Variants in ASB5 observed in about 807,000 individuals in gnomAD.
ASB5 encodes the protein ankyrin repeat and SOCS box containing 5, also known as ankyrin repeat and SOCS box protein 5.
ASB5 carries 45 observed loss-of-function variants against 42.1 expected under a neutral mutation model. The observed-to-expected ratio is 1.07, with a 90% CI of 0.84 to 1.37. The LOEUF (loss-of-function observed/expected upper bound fraction) is 1.37. Among genes scored for constraint, ASB5 ranks in the 40% most tolerant of loss-of-function variants. ASB5 has a pLI of 0.00. For missense variants in ASB5, 402 were observed against 399.8 expected (o/e 1.01, Z -0.05); for synonymous variants, 147 against 150.6 (o/e 0.98, Z 0.18).
chr4:176,225,812 A>T (rs1753361793), intron 1 of ASB5, among the ~76,000 whole-genome samples: 1 of 152,154 alleles, frequency 6.6e-6, no homozygotes, highest in South Asian at 2.1e-4. Flanking sequence ...CTGGTCTTGA[A>T]GTCCTGACCT....
chr4:176,218,736 T>C (rs1753068669), intron 5 of ASB5, among the ~76,000 whole-genome samples: 2 of 28,718 alleles, frequency 7.0e-5, no homozygotes, highest in South Asian at 1.3e-3. Flanking sequence ...TTGTATGATA[T>C]ATAAATATAT....
intron 1 of ASB5, among the ~76,000 whole-genome samples, chr4:176,248,363 C>T (rs1753952426): frequency 6.6e-6 from 1 of 152,028 alleles, no homozygotes; most frequent in Admixed American, 6.6e-5. Context: ...CTCAAGTGAT[C>T]CACCCACCTC....
At chr4:176,267,551 G>A (rs1754381072) in intron 1 of ASB5, among the ~76,000 whole-genome samples, 1 of 152,068 alleles carries the variant, frequency 6.6e-6, no homozygotes, top group African/African-American at 2.4e-5. Context: ...GGAGTTCAAG[G>A]ATGCAGTGAG....
chr4:176,231,659 CAAAAAAAAAA>C (rs11362445), intron 1 of ASB5, among the ~76,000 whole-genome samples: 3 of 101,904 alleles, frequency 2.9e-5, no homozygotes, highest in Non-Finnish European at 5.8e-5. Context: ...CTTGTCTCTG[CAAAAAAAAAA>C]AAAAAAAAAT....
intron 1 of ASB5, among the ~76,000 whole-genome samples, chr4:176,237,116 G>A (rs577828580): frequency 1.1e-4 from 17 of 152,188 alleles, no homozygotes; most frequent in South Asian, 2.1e-4. Context: ...TGAGTCAGCC[G>A]ATGCAGTTTC....
chr4:176,216,750 C>T, intron 6 of ASB5, 68 bp downstream of exon 6: 1 of 1,320,226 alleles, frequency 7.6e-7, no homozygotes, highest in Non-Finnish European at 1.0e-6. Flanking sequence ...AACAAAAACT[C>T]TCTCACTTTC....
At chr4:176,215,838 GAT>G in intron 6 of ASB5, 111 bp from the exon 7 acceptor site, 1 of 1,039,880 alleles carries the variant, frequency 9.6e-7, no homozygotes, top group South Asian at 2.0e-5. Flanking sequence ...GTAAACCTAG[GAT>G]AGCATGACCA....
chr4:176,267,798 T>C (rs561070189), intron 1 of ASB5, among the ~76,000 whole-genome samples: 1 of 152,242 alleles, frequency 6.6e-6, no homozygotes, highest in Non-Finnish European at 1.5e-5. Context: ...GCAGTCTTCC[T>C]CAGGAAACAT....
chr4:176,251,098 G>A (rs114162659), intron 1 of ASB5, among the ~76,000 whole-genome samples: 373 of 152,024 alleles, frequency 2.5e-3, no homozygotes, highest in Non-Finnish European at 3.3e-3. Context: ...AGGACTTCAT[G>A]TAAGAACCAT....
chr4:176,222,411 C>T lies in ASB5; in HGVS notation c.286G>A (p.Val96Ile), dbSNP rs575382169. The change falls in exon 3 of 7, where the codon GTA (valine) becomes ATA (isoleucine). Residue 96 changes from valine (V) to isoleucine (I), a missense_variant. Transcript: ENST00000296525. ...ACATGGTCTAAGGTTACTGCATTTA[C>T]ATTATAACCCTAAATGTGGCATAAT... ...LRTLLSQGYN[V>I]NAVTLDHVTP... The T allele has an allele frequency of 1.2e-6, 2 of 1,612,052 alleles. No homozygotes were observed. The highest frequency in any genetic ancestry group is 1.7e-6 in the Non-Finnish European group (2 of 1,178,730).
At position 176,242,085 on chromosome 4, in the gene ASB5, G is replaced by A. The variant is rs1315184247; in HGVS notation, c.197-16744C>T. On this transcript the variant is annotated intron_variant, in intron 1 of 6. Transcript: ENST00000296525. ...CCAGTGACGTGTGCAAACACCCACG[G>A]CACCTGGTACCCTACAGCAAAATTC... is the stretch of plus-strand genomic sequence containing the variant. Among the ~76,000 whole-genome samples, 4 of 151,994 alleles carry A rather than the reference G, an allele frequency of 2.6e-5. No individual in the cohort carries two copies. The East Asian group carries it at 5.8e-4, about 22-fold the overall frequency.
intron 1 of ASB5, among the ~76,000 whole-genome samples, chr4:176,263,202 C>T (rs1186320471): frequency 6.6e-6 from 1 of 152,148 alleles, no homozygotes; most frequent in African/African-American, 2.4e-5. Flanking sequence ...GCTGGCTCCC[C>T]TTCCCTTTAG....
Position 176,225,320 on chromosome 4 carries a change from G to C in ASB5, c.218C>G (p.Pro73Arg). Residue 73 changes from proline (P) to arginine (R), a missense_variant, in exon 2 of 7, where the codon CCA becomes CGA. Physicochemically the swap from Pro to Arg is moderately radical, Grantham distance 103 (BLOSUM62 -2). Coordinates refer to ENST00000296525, the MANE Select transcript of ASB5 (RefSeq NM_080874.4). The stretch of plus-strand genomic sequence containing the variant: ...ACCTTGACTTGCTGCTTCATGTAGT[G>C]GTGATCGATCTGCCCAGGAACCTGT... ...QGQGSWADRS[P>R]LHEAASQGRL... is the part of the protein sequence containing the mutation. 6.2e-7 allele frequency: 1 copy of C among 1,613,940 alleles called. No individual in the cohort carries two copies. The highest frequency in any genetic ancestry group is 8.5e-7 in the Non-Finnish European group (1 of 1,179,966).
At chr4:176,253,765 C>G (rs1349327477) in intron 1 of ASB5, among the ~76,000 whole-genome samples, 2 of 152,170 alleles carry the variant, frequency 1.3e-5, no homozygotes, top group Non-Finnish European at 2.9e-5. Context: ...AGAGCCCAAT[C>G]AAGAACACAA....
intron 1 of ASB5, chr4:176,249,417 A>G (rs887549285): frequency 1.3e-5 from 2 of 152,210 alleles, no homozygotes; most frequent in African/African-American, 4.8e-5. Flanking sequence ...GCAGAGGTTA[A>G]CAGAAAATGC....
At chr4:176,276,061 A>G (rs753186864) in intron 1 of ASB5, among the ~76,000 whole-genome samples, 28 of 152,204 alleles carry the variant, frequency 1.8e-4, no homozygotes, top group Non-Finnish European at 3.1e-4. Context: ...AAGTTCAAGT[A>G]TTGCCTCTAC....
chr4:176,230,537 T>C (rs1018060322), intron 1 of ASB5, among the ~76,000 whole-genome samples: 1 of 152,186 alleles, frequency 6.6e-6, no homozygotes, highest in South Asian at 2.1e-4. Context: ...GTTATTTATT[T>C]TCTTGTAATC....
intron 1 of ASB5, among the ~76,000 whole-genome samples, chr4:176,256,909 GA>G (rs1754168034): frequency 6.6e-6 from 1 of 151,714 alleles, no homozygotes; most frequent in Non-Finnish European, 1.5e-5. Flanking sequence ...TGCACTCCAA[GA>G]AAAAAAGAAA....
intron 1 of ASB5, among the ~76,000 whole-genome samples, chr4:176,249,231 T>C (rs1421321280): frequency 1.3e-5 from 2 of 152,172 alleles, no homozygotes; most frequent in Non-Finnish European, 1.5e-5. Flanking sequence ...CCTCCCAAAG[T>C]GTTGGGATTA....
Sources: gnomAD v4.1 joint callset for allele counts (sites outside exome capture counted in the v4.1 genomes callset) on GRCh38, gnomAD v4.1.1 for gene constraint, MANE v1.5 for transcripts, NCBI Gene and HGNC (gene_info 2026-07-23, HGNC 2026-07-21) for gene names.